MEIOC: variants seen among roughly 807,000 people sequenced by gnomAD.
MEIOC encodes meiosis specific with coiled-coil domain.
In MEIOC, 9 loss-of-function variants were observed where a neutral mutation model predicts 85.3. The ratio of observed to expected loss-of-function variants is 0.11; its 90% confidence interval spans 0.06 to 0.18. The LOEUF is 0.18. Ranked by LOEUF, MEIOC falls within the 10% of genes least tolerant of loss-of-function variation. The pLI is 1.00. For synonymous variants in MEIOC, 365 were observed against 393.7 expected (o/e 0.93, Z 0.86); for missense variants, 898 against 1,129.4 (o/e 0.80, Z 2.94).
chr17:44,671,115 C>CA (rs1972002930), intron 6 of MEIOC: 1 of 151,456 alleles, frequency 6.6e-6, no homozygotes, highest in South Asian at 2.1e-4. Context: ...GAAAAATCAA[C>CA]ATGGGTCAAA....
Position 44,675,048 on chromosome 17 carries a change from A to G in MEIOC, c.*852A>G, listed in dbSNP as rs1391075292. 9 of 985,152 alleles carry G rather than the reference A, an allele frequency of 9.1e-6. No individual in the cohort carries two copies. Among genetic ancestry groups the G allele is most frequent in the East Asian group, 2.3e-4 (2 of 8,830 alleles). The allele number at this position is 985,152 out of a possible 1,614,324, so 61.0% of individuals were successfully genotyped here. A position where few individuals can be genotyped will look rare whatever the true frequency, so the allele number is the denominator to read the frequency against. On this transcript the variant is annotated 3_prime_UTR_variant, in exon 8 of 8. Coordinates refer to ENST00000409122, the MANE Select transcript of MEIOC (RefSeq NM_001145080.3). ...TAATACCCTTAGTTTGCTGCCTTTT[A>G]TGAGGGTGTCACGAAGTTCTAAAAT...
chr17:44,666,274 TG>T, intron 4 of MEIOC, 101 bp from the exon 5 acceptor site: 1 of 947,178 alleles, frequency 1.1e-6, no homozygotes, highest in Non-Finnish European at 1.5e-6. Flanking sequence ...AATGGTGACA[TG>T]GGGCAAGATA....
At chr17:44,658,807 AAG>A (rs1367456381) in intron 2 of MEIOC, among the ~76,000 whole-genome samples, 4 of 151,688 alleles carry the variant, frequency 2.6e-5, no homozygotes, top group Non-Finnish European at 1.5e-5. Context: ...AAAAAAAAAA[AAG>A]AAAAAAGAAA....
intron 4 of MEIOC, among the ~76,000 whole-genome samples, 178 bp from the exon 5 acceptor site, chr17:44,666,196 ATT>A (rs1200194634): frequency 6.6e-6 from 1 of 152,182 alleles, no homozygotes; most frequent in African/African-American, 2.4e-5. Flanking sequence ...CATACAGCAC[ATT>A]TCATGTGACA....
chr17:44,673,164 T>G (rs956871413), intron 6 of MEIOC: 36 of 423,318 alleles, frequency 8.5e-5, no homozygotes, highest in Non-Finnish European at 1.5e-4. Context: ...TACCACATAT[T>G]TTTAGAATTA....
intron 2 of MEIOC, among the ~76,000 whole-genome samples, chr17:44,659,242 G>A: frequency 6.6e-6 from 1 of 152,108 alleles, no homozygotes; most frequent in Non-Finnish European, 1.5e-5. Flanking sequence ...TTATGCCACT[G>A]TACAGATTGA....
rs143184020 is a variant in MEIOC, at chr17:44,660,238, A to AT, written c.205-2076dup. ...TTCCTTTTTTATTTTATTTTATTTT[A>AT]TTTATTTATTTATTTATTTTGAGAT... On this transcript the variant is annotated intron_variant, in intron 2 of 7. Transcript: ENST00000409122. Among the ~76,000 whole-genome samples, 817 of 151,318 alleles carry AT rather than the reference A, an allele frequency of 5.4e-3. 9 individuals carry two copies. The highest frequency in any genetic ancestry group is 0.019 in the African/African-American group (789 of 41,282).
intron 7 of MEIOC, 93 bp downstream of exon 7, chr17:44,673,639 A>G: frequency 9.6e-7 from 1 of 1,038,030 alleles, no homozygotes; most frequent in Middle Eastern, 2.3e-4. Flanking sequence ...TTAGATTTCT[A>G]AAATTAACAC....
chr17:44,660,428 CG>C (rs1311801881), intron 2 of MEIOC, among the ~76,000 whole-genome samples: 1 of 151,838 alleles, frequency 6.6e-6, no homozygotes, highest in Non-Finnish European at 1.5e-5. Flanking sequence ...TTTGTCGAAA[CG>C]GGCTTTCGCC....
At chr17:44,657,017 G>A in intron 1 of MEIOC, 110 bp from the exon 2 acceptor site, 1 of 1,282,956 alleles carries the variant, frequency 7.8e-7, no homozygotes, top group Non-Finnish European at 1.1e-6. Flanking sequence ...TCCTCTGAGA[G>A]GGTTCGGAAT....
chr17:44,664,873 T>C (rs1442224776), intron 3 of MEIOC, among the ~76,000 whole-genome samples: 1 of 152,236 alleles, frequency 6.6e-6, no homozygotes, highest in Non-Finnish European at 1.5e-5. Flanking sequence ...GCAAAATTGC[T>C]GTGGTGTCTA....
intron 3 of MEIOC, among the ~76,000 whole-genome samples, chr17:44,664,424 C>T (rs919652057): frequency 1.4e-4 from 21 of 151,872 alleles, no homozygotes; most frequent in Non-Finnish European, 2.9e-4. Flanking sequence ...GTTGAGCATC[C>T]CAATCTGAAA....
chr17:44,674,015 T>G lies in MEIOC; in HGVS notation c.2678T>G (p.Val893Gly). The G allele has an allele frequency of 6.4e-7, 1 of 1,551,724 alleles. No homozygotes were observed. Among genetic ancestry groups the G allele is most frequent in the Non-Finnish European group, 8.7e-7 (1 of 1,147,000 alleles). The change falls in exon 8 of 8, where the codon GTG becomes GGG. Residue 893 changes from valine to glycine, a missense_variant. Transcript: ENST00000409122. ...GCTTCTGCAATTAAAGAGATGTGTG[T>G]GGCTACTCGGAAAACACGCACTGCC... ...ALASAIKEMCVATRKTRTALW... is the reference protein window; with the variant it reads ...ALASAIKEMCGATRKTRTALW...
At position 44,669,393 on chromosome 17, in the gene MEIOC, C is replaced by G. The variant is rs756834161; in HGVS notation, c.2333C>G (p.Ala778Gly). 1.3e-6 allele frequency: 2 copies of G among 1,569,730 alleles called. No homozygotes were observed. The highest frequency in any genetic ancestry group is 1.2e-5 in the South Asian group (1 of 85,120). The change falls in exon 6 of 8, where the codon GCC (alanine) becomes GGC (glycine). Residue 778 changes from alanine to glycine, a missense_variant. By Grantham distance (60) the Ala-to-Gly change is moderately conservative. Transcript: ENST00000409122. The stretch of plus-strand genomic sequence containing the variant: ...TGTAATTTTTTACAGACTGAATTAG[C>G]CCTTGCCAAGAATTATCCTGGAAAA... The part of the protein sequence containing the change: ...LEKERKKTEL[A>G]LAKNYPGKKV...
rs1165401126 is a variant in MEIOC, at chr17:44,667,616, G to A, written c.1705G>A (p.Gly569Arg). 3 of 1,613,128 alleles carry A rather than the reference G, an allele frequency of 1.9e-6. No individual in the cohort carries two copies. Among genetic ancestry groups the A allele is most frequent in the Non-Finnish European group, 2.5e-6 (3 of 1,179,586 alleles). The change falls in exon 5 of 8, where the codon GGA becomes AGA. Residue 569 changes from glycine (G) to arginine (R), a missense_variant. By Grantham distance (125) the Gly-to-Arg change is moderately radical. Transcript: ENST00000409122. ...TCACATAGAAGGACTAACAAAGCCT[G>A]GAGAAGAAAATCTCTTCAAATTGGT... ...VNHIEGLTKP[G>R]EENLFKLVTD...
At chr17:44,660,437 G>A (rs971986547) in intron 2 of MEIOC, among the ~76,000 whole-genome samples, 13 of 151,824 alleles carry the variant, frequency 8.6e-5, no homozygotes, top group African/African-American at 2.9e-4. Context: ...ACGGGCTTTC[G>A]CCATGTTGAT....
intron 2 of MEIOC, among the ~76,000 whole-genome samples, chr17:44,661,683 C>G (rs1334261595): frequency 1.3e-5 from 2 of 152,026 alleles, no homozygotes; most frequent in Admixed American, 1.3e-4. Flanking sequence ...TCCCAAGTAG[C>G]TGGGACTACA....
rs373156959 is a variant in MEIOC at position 44,667,862 on chromosome 17, G to A, written c.1951G>A (p.Gly651Ser). 45 of 1,613,828 alleles carry A rather than the reference G, an allele frequency of 2.8e-5. No individual in the cohort carries two copies. Among genetic ancestry groups the A allele is most frequent in the East Asian group, 6.7e-5 (3 of 44,894 alleles). The stretch of plus-strand genomic sequence containing the variant: ...TCATTCTAATAGCCACAGAACGAGA[G>A]GTGGAGACAATAGCCGTGTGAATCG... ...QGHSNSHRTR[G>S]GDNSRVNRTQ... The change falls in exon 5 of 8, where the codon GGT (glycine) becomes AGT (serine). Residue 651 changes from glycine to serine, a missense_variant. Around this residue, in one of 2 missense-constraint regions of MEIOC, gnomAD observed 734 missense variants for 860.1 expected, o/e 0.85. Transcript: ENST00000409122.
At chr17:44,664,155 G>C (rs1283254709) in intron 3 of MEIOC, among the ~76,000 whole-genome samples, 1 of 152,040 alleles carries the variant, frequency 6.6e-6, no homozygotes, top group Non-Finnish European at 1.5e-5. Context: ...CAGATCACAA[G>C]GTCAGGAGTT....
Sources: gnomAD v4.1 joint callset for allele counts (sites outside exome capture counted in the v4.1 genomes callset) on GRCh38, gnomAD v4.1.1 for gene constraint, gnomAD v4.1.1 regional missense constraint, MANE v1.5 for transcripts, NCBI Gene and HGNC (gene_info 2026-07-23, HGNC 2026-07-21) for gene names.